Variants in KIF6 observed in about 807,000 individuals in gnomAD.
The protein encoded by KIF6 is kinesin-like protein KIF6.
A neutral mutation model predicts 112.7 loss-of-function variants in KIF6; 106 were observed. The observed-to-expected ratio is 0.94, with a 90% confidence interval of 0.80 to 1.11. KIF6 has a LOEUF of 1.11. Ranked by LOEUF, KIF6 falls within the 50% of genes least tolerant of loss-of-function variation. KIF6 has a pLI of 0.00. For missense variants in KIF6, 929 were observed against 964.0 expected (o/e 0.96, Z 0.48); for synonymous variants, 339 against 339.9 (o/e 1.00, Z 0.03).
In KIF6 at chr6:39,508,773, T is replaced by A. The variant is rs561005056; in HGVS notation, c.1645+31230A>T. 5.3e-5 allele frequency among the ~76,000 whole-genome samples: 8 copies of A among 152,264 alleles called. No homozygotes were observed. In the East Asian group the frequency reaches 1.4e-3, roughly 26 times the overall value. On this transcript the variant is annotated intron_variant, in intron 13 of 22. Coordinates refer to ENST00000287152, the MANE Select transcript of KIF6 (RefSeq NM_145027.6). The stretch of plus-strand genomic sequence containing the variant: ...CCACCGCAGCTCAGCAAGGCCTCTA[T>A]AGATTCCACTTCTGGGGGCAGGGCA...
At chr6:39,679,776 C>T (rs980805260) in intron 3 of KIF6, among the ~76,000 whole-genome samples, 1 of 150,800 alleles carries the variant, frequency 6.6e-6, no homozygotes. Context: ...CCACCATGCC[C>T]GGCTAATTTT....
At chr6:39,513,309 A>G (rs1776887355) in intron 13 of KIF6, among the ~76,000 whole-genome samples, 1 of 152,060 alleles carries the variant, frequency 6.6e-6, no homozygotes, top group Non-Finnish European at 1.5e-5. Context: ...CACGTGCCTA[A>G]GCCTGCCTAA....
At chr6:39,437,966 T>C (rs577815183) in intron 13 of KIF6, among the ~76,000 whole-genome samples, 2 of 111,776 alleles carry the variant, frequency 1.8e-5, no homozygotes, top group South Asian at 4.5e-4. Flanking sequence ...CTATACTTTA[T>C]TTATTTATTT....
intron 10 of KIF6, among the ~76,000 whole-genome samples, chr6:39,549,079 C>CT (rs1352169329): frequency 6.6e-6 from 1 of 152,186 alleles, no homozygotes; most frequent in Admixed American, 6.5e-5. Context: ...TGAAATACCT[C>CT]TGACAGCCTG....
intron 13 of KIF6, among the ~76,000 whole-genome samples, chr6:39,449,694 G>A (rs1772559171): frequency 6.6e-6 from 1 of 152,156 alleles, no homozygotes; most frequent in South Asian, 2.1e-4. Context: ...CAGTACAGTA[G>A]GATGAAAGAG....
At chr6:39,725,119 G>A (rs1790459995) in intron 1 of KIF6, 126 bp downstream of exon 1, 2 of 669,276 alleles carry the variant, frequency 3.0e-6, no homozygotes, top group Non-Finnish European at 4.8e-6. Context: ...GTGTGTGCGG[G>A]ATTCCGGGCG....
At chr6:39,401,120 A>C (rs1257449174) in intron 15 of KIF6, among the ~76,000 whole-genome samples, 2 of 152,276 alleles carry the variant, frequency 1.3e-5, no homozygotes, top group African/African-American at 4.8e-5. Flanking sequence ...TAAGTATCTG[A>C]ATGGCAAATA....
At chr6:39,398,315 G>A (rs1768424081) in intron 15 of KIF6, among the ~76,000 whole-genome samples, 1 of 152,178 alleles carries the variant, frequency 6.6e-6, no homozygotes. Context: ...GTACATCCCA[G>A]AGCACAGCAC....
At chr6:39,547,466 T>C (rs186508711) in intron 10 of KIF6, among the ~76,000 whole-genome samples, 90 of 152,300 alleles carry the variant, frequency 5.9e-4, no homozygotes, top group Middle Eastern at 3.4e-3. Flanking sequence ...TAAATTATTA[T>C]GAAAACACAT....
At chr6:39,409,859 C>T (rs1488833743) in intron 15 of KIF6, among the ~76,000 whole-genome samples, 3 of 152,224 alleles carry the variant, frequency 2.0e-5, no homozygotes, top group Non-Finnish European at 1.5e-5. Context: ...CTGCTATTTG[C>T]AGGTATTCCC....
intron 13 of KIF6, among the ~76,000 whole-genome samples, chr6:39,511,951 G>T (rs1776811206): frequency 6.6e-6 from 1 of 152,186 alleles, no homozygotes; most frequent in African/African-American, 2.4e-5. Flanking sequence ...TTGAGGGGTG[G>T]GGGACTGGGG....
intron 15 of KIF6, among the ~76,000 whole-genome samples, chr6:39,391,080 T>C (rs912311559): frequency 6.6e-5 from 10 of 152,224 alleles, no homozygotes; most frequent in Non-Finnish European, 1.5e-4. Flanking sequence ...TGAAAATGTA[T>C]TGAGTCAGGA....
In KIF6 at chr6:39,378,247, CCACA is replaced by C. The variant is rs142521809; in HGVS notation, c.1861+7371_1861+7374del. ...ACAACATATCCATACCACCAACACACCACACACACACACAAACCCACAAACCACA... is the reference window on the plus strand; with the variant it reads ...ACAACATATCCATACCACCAACACACCACACACACAAACCCACAAACCACA... On this transcript the variant is annotated intron_variant, in intron 16 of 22. Transcript: ENST00000287152. This position sits in a 1 kb window ranked among gnomAD's most constrained non-coding sequence, Gnocchi z 5.0. Among the ~76,000 whole-genome samples the C allele has an allele frequency of 1.3e-5, 2 of 150,514 alleles. No individual in the cohort carries two copies. The highest frequency in any genetic ancestry group is 2.4e-5 in the African/African-American group (1 of 40,988).
intron 1 of KIF6, among the ~76,000 whole-genome samples, chr6:39,721,330 A>G (rs1392947322): frequency 6.6e-6 from 1 of 152,196 alleles, no homozygotes; most frequent in Admixed American, 6.5e-5. Flanking sequence ...ATTTGATAAG[A>G]GAGATGTGGC....
intron 13 of KIF6, among the ~76,000 whole-genome samples, chr6:39,491,650 T>C (rs1408902374): frequency 6.6e-6 from 1 of 152,164 alleles, no homozygotes; most frequent in Non-Finnish European, 1.5e-5. Context: ...AAGGGACTTG[T>C]AGAGTCTGTT....
chr6:39,600,619 C>T (rs986648081), intron 6 of KIF6, among the ~76,000 whole-genome samples: 3 of 152,138 alleles, frequency 2.0e-5, no homozygotes, highest in Non-Finnish European at 2.9e-5. Flanking sequence ...GCCAAATACT[C>T]TCCAGTCACT....
At chr6:39,443,156 T>TAATAATAATAATA (rs1554217804) in intron 13 of KIF6, among the ~76,000 whole-genome samples, 12 of 113,090 alleles carry the variant, frequency 1.1e-4, no homozygotes, top group African/African-American at 3.7e-4. Flanking sequence ...ATAATAATAA[T>TAATAATAATAATA]AATAAATAAA....
intron 11 of KIF6, 59 bp downstream of exon 11, chr6:39,545,524 T>A (rs1779024221): frequency 3.7e-6 from 5 of 1,338,558 alleles, no homozygotes; most frequent in South Asian, 1.2e-5. Context: ...CTAGAAAAGT[T>A]TTTTTGCAGC....
chr6:39,361,644 C>T lies in KIF6; in HGVS notation c.1946+790G>A, dbSNP rs908427706. 2.1e-4 allele frequency among the ~76,000 whole-genome samples: 31 copies of T among 150,862 alleles called. 1 individual carries two copies. The highest frequency in any genetic ancestry group is 1.2e-3 in the East Asian group (6 of 5,118). On this transcript the variant is annotated intron_variant, in intron 17 of 22. Coordinates refer to ENST00000287152, the MANE Select transcript of KIF6 (RefSeq NM_145027.6). ...AGCGAGGGAGAAGGTGGACGACTGGCGAGGGCCCCAAGGGAGTGGAGAGCG... is the reference window on the plus strand; with the variant it reads ...AGCGAGGGAGAAGGTGGACGACTGGTGAGGGCCCCAAGGGAGTGGAGAGCG...
Sources: allele counts gnomAD v4.1 joint callset (sites outside exome capture counted in the v4.1 genomes callset), GRCh38; gene constraint gnomAD v4.1.1; non-coding constraint Gnocchi (gnomAD v3.1); transcripts MANE v1.5; gene names NCBI Gene and HGNC (gene_info 2026-07-23, HGNC 2026-07-21).